Variants in LAMB1 observed in about 807,000 individuals in gnomAD.
The protein encoded by LAMB1 is laminin subunit beta-1.
A neutral mutation model predicts 222.3 loss-of-function variants in LAMB1; 121 were observed. The ratio of observed to expected loss-of-function variants is 0.54; its 90% CI spans 0.47 to 0.63. The LOEUF is 0.63. LAMB1 is among the 30% of genes least tolerant of loss of function. The pLI, the probability that LAMB1 is intolerant of heterozygous loss-of-function variation, is 0.00. For synonymous variants in LAMB1, 794 were observed against 807.2 expected, an observed-to-expected ratio of 0.98 and a Z score of 0.28; for missense variants, 2,172 against 2,240.8, an observed-to-expected ratio of 0.97 and a Z score of 0.62.
chr7:107,987,612 T>C (rs1055777422), intron 5 of LAMB1, among the ~76,000 whole-genome samples: 6 of 152,238 alleles, frequency 3.9e-5, no homozygotes, highest in Non-Finnish European at 7.3e-5. Context: ...ACAATTCTTC[T>C]GTCTCAGCCT....
chr7:107,986,873 A>G (rs562168738), intron 5 of LAMB1, among the ~76,000 whole-genome samples: 36 of 152,346 alleles, frequency 2.4e-4, no homozygotes, highest in African/African-American at 7.5e-4. Context: ...GTTGCATGCA[A>G]TGTGCTTTGG....
intron 27 of LAMB1, among the ~76,000 whole-genome samples, chr7:107,933,577 T>A (rs1221577292): frequency 2.0e-5 from 3 of 151,810 alleles, no homozygotes; most frequent in African/African-American, 7.3e-5. Flanking sequence ...AAGATCTGTT[T>A]TGTTTCAACA....
At chr7:107,962,791 C>T in intron 15 of LAMB1, 114 bp downstream of exon 15, 4 of 688,292 alleles carry the variant, frequency 5.8e-6, no homozygotes, top group Non-Finnish European at 9.2e-6. Flanking sequence ...GGAATCTGAT[C>T]TGTTCTAATG....
At chr7:107,945,497 AG>A (rs1251339177) in intron 24 of LAMB1, among the ~76,000 whole-genome samples, 2 of 152,190 alleles carry the variant, frequency 1.3e-5, no homozygotes, top group African/African-American at 4.8e-5. Flanking sequence ...CTGTTTCCCG[AG>A]GGCACCTCCC....
chr7:107,990,772 G>T (rs2034167098), intron 5 of LAMB1, among the ~76,000 whole-genome samples: 1 of 152,234 alleles, frequency 6.6e-6, no homozygotes, highest in Non-Finnish European at 1.5e-5. Context: ...CTCAAAGGCA[G>T]TTAACAGCAG....
At chr7:107,925,353 C>T (rs554026251) in intron 32 of LAMB1, among the ~76,000 whole-genome samples, 1 of 152,232 alleles carries the variant, frequency 6.6e-6, no homozygotes, top group South Asian at 2.1e-4. Flanking sequence ...ATTAGATTCT[C>T]ATAGGAGCAC....
At position 107,978,095 on chromosome 7, in the gene LAMB1, C is replaced by A. The variant is rs2033903616; in HGVS notation, c.952G>T (p.Asp318Tyr). 6.2e-7 allele frequency: 1 copy of A among 1,614,022 alleles called. No individual in the cohort carries two copies. The highest frequency in any genetic ancestry group is 1.7e-5 in the Admixed American group (1 of 60,008). Residue 318 changes from aspartate to tyrosine, a missense_variant, in exon 9 of 34, where the codon GAT becomes TAT. Physicochemically the swap from Asp to Tyr is radical, Grantham distance 160. Transcript: ENST00000222399. ...NCELCMDFYHDLPWRPAEGRN... is the reference protein window; with the variant it reads ...NCELCMDFYHYLPWRPAEGRN... ...CCTTCAGCAGGTCTCCAAGGTAAAT[C>A]ATGGTAGAAATCCATGCAGAGTTCA... is the stretch of plus-strand genomic sequence containing the variant.
In LAMB1 at chr7:107,975,670, G is replaced by C. The variant is rs779598577; in HGVS notation, c.1189+19C>G. 4.4e-6 allele frequency: 7 copies of C among 1,600,122 alleles called. No individual in the cohort carries two copies. In the South Asian group the frequency reaches 7.8e-5, roughly 18 times the overall value. ...ATCTGAAGTAGGTCCCACACAGTGA[G>C]TGACATTTCTCAACATACGTTCACA... is the stretch of plus-strand genomic sequence containing the variant. On this transcript the variant is annotated intron_variant, in intron 10 of 33. Coordinates refer to ENST00000222399, the MANE Select transcript of LAMB1 (RefSeq NM_002291.3).
At chr7:107,947,957 G>A (rs1305552133) in intron 24 of LAMB1, among the ~76,000 whole-genome samples, 2 of 147,488 alleles carry the variant, frequency 1.4e-5, no homozygotes, top group African/African-American at 2.5e-5. Flanking sequence ...AAATAAAGAT[G>A]CCCCAACATT....
At chr7:107,940,579 A>C (rs778866774) in intron 24 of LAMB1, 23 of 559,438 alleles carry the variant, frequency 4.1e-5, no homozygotes, top group Non-Finnish European at 7.0e-5. Context: ...CTTTAAACAG[A>C]AATGTTTTAT....
intron 2 of LAMB1, chr7:108,002,009 G>A: frequency 6.9e-7 from 1 of 1,445,088 alleles, no homozygotes; most frequent in Non-Finnish European, 9.1e-7. Context: ...CGACGCTCGC[G>A]CCCACCCTGA....
At chr7:107,935,113 G>T (rs12112612) in intron 27 of LAMB1, among the ~76,000 whole-genome samples, 3 of 151,768 alleles carry the variant, frequency 2.0e-5, no homozygotes, top group African/African-American at 7.3e-5. Flanking sequence ...TTTCAGTGCG[G>T]TGTCACTGAG....
Position 107,964,581 on chromosome 7 carries a change from A to G in LAMB1, c.1669T>C (p.Tyr557His). 6.2e-7 allele frequency: 1 copy of G among 1,614,098 alleles called. No individual in the cohort carries two copies. Among genetic ancestry groups the G allele is most frequent in the Non-Finnish European group, 8.5e-7 (1 of 1,179,972 alleles). Residue 557 changes from tyrosine to histidine, a missense_variant, in exon 14 of 34, where the codon TAT (tyrosine) becomes CAT (histidine). Physicochemically the swap from Tyr to His is moderately conservative, Grantham distance 83 (BLOSUM62 2). Transcript: ENST00000222399. ...CCCAAGTTGGCTTCCTCCGCTTCAT[A>G]GAGGTAGTGATCCAGGGTGGCAAAG... ...YYFATLDHYLYEAEEANLGPG... is the reference protein window; with the variant it reads ...YYFATLDHYLHEAEEANLGPG...
chr7:107,928,995 C>G (rs1562972885), intron 31 of LAMB1, 69 bp downstream of exon 31: 1 of 1,440,840 alleles, frequency 6.9e-7, no homozygotes, highest in African/African-American at 1.4e-5. Context: ...TCATAGATAA[C>G]AAATGTACTT....
chr7:107,965,516 T>C (rs10263236), intron 13 of LAMB1, among the ~76,000 whole-genome samples: 5,154 of 152,040 alleles, frequency 0.034, 291 homozygotes, highest in African/African-American at 0.12. Flanking sequence ...GAGGCAGAGG[T>C]TGAGGTGAGC....
At chr7:107,988,471 G>C (rs576764290) in intron 5 of LAMB1, among the ~76,000 whole-genome samples, 3 of 152,302 alleles carry the variant, frequency 2.0e-5, no homozygotes, top group South Asian at 2.1e-4. Context: ...GAATGGGTAA[G>C]ATAAAGAGAG....
chr7:108,003,018 G>A, intron 1 of LAMB1, 47 bp from the exon 2 acceptor site: 1 of 1,488,432 alleles, frequency 6.7e-7, no homozygotes, highest in Non-Finnish European at 8.9e-7. Context: ...TTCAAAGAGA[G>A]AAGAGGCGCC....
chr7:107,959,078 T>C (rs2033437427), intron 20 of LAMB1, among the ~76,000 whole-genome samples, 171 bp downstream of exon 20: 2 of 152,202 alleles, frequency 1.3e-5, no homozygotes, highest in African/African-American at 2.4e-5. Context: ...ACATAGAGGA[T>C]GTCAACTCAA....
intron 2 of LAMB1, chr7:108,002,071 A>C: frequency 6.8e-7 from 1 of 1,463,034 alleles, no homozygotes; most frequent in South Asian, 1.4e-5. Context: ...TAGACCCTCC[A>C]CTTCGACGTG....
Sources: gnomAD v4.1 joint callset for allele counts (sites outside exome capture counted in the v4.1 genomes callset) on GRCh38, gnomAD v4.1.1 for gene constraint, MANE v1.5 for transcripts, NCBI Gene and HGNC (gene_info 2026-07-23, HGNC 2026-07-21) for gene names.